CDH18: variants seen among roughly 807,000 people sequenced by gnomAD.
The protein encoded by CDH18 is cadherin-18.
A neutral mutation model predicts 67.9 loss-of-function variants in CDH18; 31 were observed. The observed-to-expected ratio is 0.46, with a 90% CI of 0.34 to 0.62. The LOEUF (loss-of-function observed/expected upper bound fraction) is 0.62. Among genes scored for constraint, CDH18 ranks in the 20% least tolerant of loss-of-function variants. The pLI is 0.01. For synonymous variants in CDH18, 362 were observed against 347.2 expected (o/e 1.04, Z -0.48); for missense variants, 890 against 975.5 (o/e 0.91, Z 1.17).
Position 19,707,046 on chromosome 5 carries a change from T to C in CDH18, c.643+14301A>G, listed in dbSNP as rs1764057247. ...TTGGGAAATAGGTAAAATAATAACT[T>C]GGGGTAGAGACTATGCTTGTGTTTC... On this transcript the variant is annotated intron_variant, in intron 5 of 12. Transcript: ENST00000382275. 3.3e-5 allele frequency among the ~76,000 whole-genome samples: 5 copies of C among 151,804 alleles called. No homozygotes were observed. In the South Asian group the frequency reaches 1.0e-3, roughly 32 times the overall value.
At chr5:20,336,434 G>A (rs182964374) in intron 1 of CDH18, among the ~76,000 whole-genome samples, 150 of 152,062 alleles carry the variant, frequency 9.9e-4, no homozygotes, top group African/African-American at 3.3e-3. Context: ...TAAGAACTTC[G>A]CCTTATGGCT....
At chr5:19,778,666 CT>C (rs1774696251) in intron 3 of CDH18, among the ~76,000 whole-genome samples, 1 of 152,140 alleles carries the variant, frequency 6.6e-6, no homozygotes, top group Admixed American at 6.5e-5. Context: ...GATATGGACT[CT>C]TCTTATTGTG....
At chr5:19,584,793 C>CAAAAAAA (rs61297842) in intron 7 of CDH18, among the ~76,000 whole-genome samples, 45 of 75,082 alleles carry the variant, frequency 6.0e-4, no homozygotes, top group African/African-American at 1.4e-3. Flanking sequence ...ACTAAAAATA[C>CAAAAAAA]AAAAAAAAAA....
chr5:19,902,931 G>A (rs1790099316), intron 2 of CDH18, among the ~76,000 whole-genome samples: 1 of 152,118 alleles, frequency 6.6e-6, no homozygotes, highest in South Asian at 2.1e-4. Flanking sequence ...TAATCCATAA[G>A]TGACATATAG....
chr5:19,782,660 G>C (rs1775262189), intron 3 of CDH18, among the ~76,000 whole-genome samples: 1 of 152,156 alleles, frequency 6.6e-6, no homozygotes, highest in Non-Finnish European at 1.5e-5. Context: ...AGCGCACTTA[G>C]ACTTATTTAT....
At chr5:19,629,620 T>C (rs1284607786) in intron 5 of CDH18, among the ~76,000 whole-genome samples, 1 of 152,212 alleles carries the variant, frequency 6.6e-6, no homozygotes, top group Non-Finnish European at 1.5e-5. Flanking sequence ...TCTTAATGAA[T>C]ATAAAACAAT....
intron 2 of CDH18, among the ~76,000 whole-genome samples, chr5:20,213,059 CATGTGTGTGA>C (rs1740477146): frequency 6.6e-6 from 1 of 152,156 alleles, no homozygotes; most frequent in South Asian, 2.1e-4. Context: ...TGTGTTTCAA[CATGTGTGTGA>C]TTAAGCTCAT....
At chr5:19,819,634 A>G (rs1047027152) in intron 3 of CDH18, among the ~76,000 whole-genome samples, 1 of 152,120 alleles carries the variant, frequency 6.6e-6, no homozygotes, top group Non-Finnish European at 1.5e-5. Context: ...AACCCCACAG[A>G]TATTTGAATT....
At chr5:19,838,662 T>A (rs1388262617) in intron 3 of CDH18, 97 bp downstream of exon 3, 3 of 767,338 alleles carry the variant, frequency 3.9e-6, no homozygotes, top group Non-Finnish European at 6.5e-6. Flanking sequence ...ATAATTTGCT[T>A]CATTTGTCTA....
In CDH18 at chr5:20,555,408, C is replaced by CTTTTTTTTTTTTTTTTTTT. The variant is rs774396694; in HGVS notation, c.-580+20035_-580+20053dup. On this transcript the variant is annotated intron_variant, in intron 1 of 14. Coordinates refer to the CDH18 transcript ENST00000507958. ...GCCAGAACCACCAAGACAAGCTTTTCTTTTTTTTTTTTTTTTTTTTTTTTT... is the reference window on the plus strand; with the variant it reads ...GCCAGAACCACCAAGACAAGCTTTTCTTTTTTTTTTTTTTTTTTTTTTTTTTTTTTTTTTTTTTTTTTTT... 4.0e-4 allele frequency among the ~76,000 whole-genome samples: 41 copies of CTTTTTTTTTTTTTTTTTTT among 103,646 alleles called. 1 individual carries two copies. The highest frequency in any genetic ancestry group is 6.6e-4 in the African/African-American group (16 of 24,368). The allele number at this position is 103,646 out of a possible 152,430, so 68.0% of individuals were successfully genotyped here.
chr5:20,296,767 C>T (rs553929856), intron 1 of CDH18, among the ~76,000 whole-genome samples: 40 of 151,274 alleles, frequency 2.6e-4, no homozygotes, highest in Non-Finnish European at 4.1e-4. Context: ...ATATTTTGAA[C>T]CTGATATATA....
intron 2 of CDH18, among the ~76,000 whole-genome samples, chr5:19,915,551 T>C (rs920309050): frequency 6.6e-6 from 1 of 152,164 alleles, no homozygotes; most frequent in Non-Finnish European, 1.5e-5. Flanking sequence ...AATTAACACA[T>C]TTTTGAATGT....
intron 1 of CDH18, among the ~76,000 whole-genome samples, chr5:20,547,404 T>C (rs1398978372): frequency 6.6e-6 from 1 of 151,644 alleles, no homozygotes; most frequent in Non-Finnish European, 1.5e-5. Context: ...CTACTAAAAA[T>C]ACAAAAACTA....
intron 5 of CDH18, among the ~76,000 whole-genome samples, chr5:19,640,082 A>T (rs2150220795): frequency 6.6e-6 from 1 of 152,344 alleles, no homozygotes; most frequent in South Asian, 2.1e-4. Flanking sequence ...GAGGTAGTTT[A>T]TCACTACTAG....
chr5:19,611,983 T>C (rs984044404), intron 6 of CDH18, among the ~76,000 whole-genome samples: 1 of 151,720 alleles, frequency 6.6e-6, no homozygotes. Flanking sequence ...TGTGTGTGTG[T>C]GTGCATACAT....
intron 10 of CDH18, among the ~76,000 whole-genome samples, chr5:19,504,373 T>A (rs1042401562): frequency 3.3e-5 from 5 of 152,050 alleles, no homozygotes; most frequent in African/African-American, 1.2e-4. Context: ...TAAGTCTCTA[T>A]CCTTCTTGAT....
At chr5:19,704,062 CAT>C (rs968207304) in intron 5 of CDH18, among the ~76,000 whole-genome samples, 1 of 152,116 alleles carries the variant, frequency 6.6e-6, no homozygotes, top group African/African-American at 2.4e-5. Context: ...CTGATTGTGT[CAT>C]ATGTGGAAAT....
chr5:20,066,047 A>G (rs1742955144), intron 2 of CDH18, among the ~76,000 whole-genome samples: 1 of 152,086 alleles, frequency 6.6e-6, no homozygotes, highest in Admixed American at 6.6e-5. Flanking sequence ...TGTAAAAAGT[A>G]TGATGATTAC....
In CDH18 at chr5:19,811,163, AGAGAAAGAAAGAGAAGAAAGAGG is replaced by A. The variant is rs1778694697; in HGVS notation, c.228+27573_228+27595del. Among the ~76,000 whole-genome samples, 2 of 105,268 alleles carry A rather than the reference AGAGAAAGAAAGAGAAGAAAGAGG, an allele frequency of 1.9e-5. 1 individual carries two copies. Among genetic ancestry groups the A allele is most frequent in the South Asian group, 5.8e-4 (2 of 3,422 alleles). 69.1% of individuals were successfully genotyped at this position (105,268 alleles called of 152,430 possible). A position where few individuals can be genotyped will look rare whatever the true frequency, so the allele number is the denominator to read the frequency against. ...GAAAGAAAGAAAGAAAGAAAGAAGG[AGAGAAAGAAAGAGAAGAAAGAGG>A]GAGAGAAAGAAGGAAGGAAGGAAGG... On this transcript the variant is annotated intron_variant, in intron 3 of 12. Coordinates refer to ENST00000382275, the MANE Select transcript of CDH18 (RefSeq NM_004934.5).
Sources: allele counts gnomAD v4.1 joint callset (sites outside exome capture counted in the v4.1 genomes callset), GRCh38; gene constraint gnomAD v4.1.1; transcripts MANE v1.5; gene names NCBI Gene and HGNC (gene_info 2026-07-23, HGNC 2026-07-21).